Variants in ST6GALNAC3 observed in about 807,000 individuals in gnomAD.
The protein encoded by ST6GALNAC3 is alpha-N-acetylgalactosaminide alpha-2,6-sialyltransferase 3.
A neutral mutation model predicts 32.7 loss-of-function variants in ST6GALNAC3; 25 were observed. The observed-to-expected ratio is 0.76, with a 90% confidence interval of 0.56 to 1.07. The LOEUF (loss-of-function observed/expected upper bound fraction) is 1.07. ST6GALNAC3 is among the 50% of genes least tolerant of loss of function. ST6GALNAC3 has a pLI of 0.00. For synonymous variants in ST6GALNAC3, 129 were observed against 133.1 expected (o/e 0.97, Z 0.21); for missense variants, 355 against 382.4 (o/e 0.93, Z 0.60).
At chr1:76,546,446 GA>G (rs879360446) in intron 3 of ST6GALNAC3, among the ~76,000 whole-genome samples, 2 of 151,762 alleles carry the variant, frequency 1.3e-5, no homozygotes, top group Admixed American at 6.6e-5. Flanking sequence ...GACCTGGATG[GA>G]AAAAAAAGGA....
intron 2 of ST6GALNAC3, among the ~76,000 whole-genome samples, chr1:76,383,672 T>G (rs1651887951): frequency 6.6e-6 from 1 of 152,136 alleles, no homozygotes; most frequent in Non-Finnish European, 1.5e-5. Flanking sequence ...GAGAAAGGTT[T>G]AATATAAAGG....
At chr1:76,525,134 A>G (rs1360615847) in intron 3 of ST6GALNAC3, among the ~76,000 whole-genome samples, 8 of 152,128 alleles carry the variant, frequency 5.3e-5, no homozygotes, top group Non-Finnish European at 1.2e-4. Context: ...ACTTTCTGGA[A>G]AATGAGGTCT....
At chr1:76,528,977 A>T (rs901853474) in intron 3 of ST6GALNAC3, among the ~76,000 whole-genome samples, 1 of 151,556 alleles carries the variant, frequency 6.6e-6, no homozygotes, top group Non-Finnish European at 1.5e-5. Flanking sequence ...GTATGCCAAT[A>T]TCATGAACAC....
chr1:76,139,291 CACAT>C (rs1292992450), intron 1 of ST6GALNAC3, among the ~76,000 whole-genome samples: 2 of 152,012 alleles, frequency 1.3e-5, no homozygotes, highest in African/African-American at 4.8e-5. Flanking sequence ...CACAGATTCA[CACAT>C]ACATTCACAA....
intron 3 of ST6GALNAC3, among the ~76,000 whole-genome samples, chr1:76,568,971 G>T (rs1307644900): frequency 1.3e-5 from 2 of 152,004 alleles, no homozygotes; most frequent in African/African-American, 2.4e-5. Context: ...ACTGCCCCAG[G>T]GGATGGCTTG....
chr1:76,448,799 T>C lies in ST6GALNAC3; in HGVS notation c.623+36382T>C, dbSNP rs1657173878. 1.3e-5 allele frequency among the ~76,000 whole-genome samples: 2 copies of C among 152,116 alleles called. 1 individual carries two copies. The highest frequency in any genetic ancestry group is 4.1e-4 in the South Asian group (2 of 4,826). ...CTCACCAGCCATGTGGAACTCTAAG[T>C]TCATTAAAAGCTTTTTCCTATATAA... is the stretch of plus-strand genomic sequence containing the variant. On this transcript the variant is annotated intron_variant, in intron 3 of 4. Coordinates refer to ENST00000328299, the MANE Select transcript of ST6GALNAC3 (RefSeq NM_152996.4).
chr1:76,095,600 T>C (rs1647116711), intron 1 of ST6GALNAC3, among the ~76,000 whole-genome samples: 1 of 152,202 alleles, frequency 6.6e-6, no homozygotes, highest in Non-Finnish European at 1.5e-5. Flanking sequence ...AAGGCAAAGC[T>C]GCCTACTTGT....
chr1:76,079,785 T>C (rs755646825), intron 1 of ST6GALNAC3, among the ~76,000 whole-genome samples: 22 of 152,160 alleles, frequency 1.4e-4, no homozygotes, highest in South Asian at 4.2e-4. Context: ...CAGGAAAACC[T>C]CTCAACTCTG....
chr1:76,325,848 C>G (rs1242016594), intron 2 of ST6GALNAC3, among the ~76,000 whole-genome samples: 1 of 150,976 alleles, frequency 6.6e-6, no homozygotes, highest in Admixed American at 6.6e-5. Flanking sequence ...CATTGATCAA[C>G]ATTTTTTTGG....
chr1:76,437,820 C>T (rs982882275), intron 3 of ST6GALNAC3, among the ~76,000 whole-genome samples: 14 of 151,954 alleles, frequency 9.2e-5, no homozygotes, highest in Admixed American at 1.3e-4. Flanking sequence ...ATGATCCACC[C>T]GCCTCAGCCT....
chr1:76,259,445 T>G (rs977143275), intron 1 of ST6GALNAC3, among the ~76,000 whole-genome samples: 7 of 152,166 alleles, frequency 4.6e-5, no homozygotes, highest in Admixed American at 4.6e-4. Flanking sequence ...ACATGCAGTG[T>G]TGGGTAAAAC....
At chr1:76,485,689 A>T (rs1284888683) in intron 3 of ST6GALNAC3, among the ~76,000 whole-genome samples, 1 of 151,932 alleles carries the variant, frequency 6.6e-6, no homozygotes, top group African/African-American at 2.4e-5. Context: ...GGATTCATTG[A>T]TTTTTTTGAA....
chr1:76,129,049 T>C (rs141255344), intron 1 of ST6GALNAC3, among the ~76,000 whole-genome samples: 7 of 152,326 alleles, frequency 4.6e-5, no homozygotes, highest in Non-Finnish European at 8.8e-5. Context: ...CAAACCTCTC[T>C]GCCCTGATCA....
At position 76,087,451 on chromosome 1, in the gene ST6GALNAC3, G is replaced by A. The variant is rs1034872255; in HGVS notation, c.18+12567G>A. 3.3e-5 allele frequency among the ~76,000 whole-genome samples: 5 copies of A among 152,170 alleles called. No individual in the cohort carries two copies. The South Asian group carries it at 1.0e-3, about 32-fold the overall frequency. On this transcript the variant is annotated intron_variant, in intron 1 of 4. Coordinates refer to ENST00000328299, the MANE Select transcript of ST6GALNAC3 (RefSeq NM_152996.4). Reference sequence around the variant, plus strand: ...AATCTAAGTACTGTGGGTAAGAGGAGGGGTAGAGAGAATGGAGATAAAAGA... The same window carrying A: ...AATCTAAGTACTGTGGGTAAGAGGAAGGGTAGAGAGAATGGAGATAAAAGA...
At chr1:76,489,608 T>C (rs1251255773) in intron 3 of ST6GALNAC3, among the ~76,000 whole-genome samples, 4 of 152,084 alleles carry the variant, frequency 2.6e-5, no homozygotes, top group African/African-American at 9.7e-5. Flanking sequence ...TGATTTGCAG[T>C]TCCATGGAAT....
intron 1 of ST6GALNAC3, among the ~76,000 whole-genome samples, chr1:76,266,128 T>G (rs1393679152): frequency 6.6e-6 from 1 of 152,256 alleles, no homozygotes; most frequent in Admixed American, 6.5e-5. Flanking sequence ...AAACTGGATG[T>G]TGTTGAATTT....
At chr1:76,419,310 C>T (rs1165716987) in intron 3 of ST6GALNAC3, among the ~76,000 whole-genome samples, 1 of 152,026 alleles carries the variant, frequency 6.6e-6, no homozygotes, top group Non-Finnish European at 1.5e-5. Flanking sequence ...GAAAAAAAAT[C>T]CCAGTAGACA....
intron 3 of ST6GALNAC3, among the ~76,000 whole-genome samples, chr1:76,468,567 C>T (rs1027986308): frequency 6.6e-6 from 1 of 151,958 alleles, no homozygotes; most frequent in Admixed American, 6.6e-5. Flanking sequence ...CTCAAGGCGG[C>T]CTTCACTCAC....
intron 2 of ST6GALNAC3, among the ~76,000 whole-genome samples, chr1:76,408,806 C>T (rs938597209): frequency 6.6e-6 from 1 of 151,962 alleles, no homozygotes; most frequent in Non-Finnish European, 1.5e-5. Flanking sequence ...TATACCCCAA[C>T]CATGCTTTTA....
Sources: gnomAD v4.1 joint callset for allele counts (sites outside exome capture counted in the v4.1 genomes callset) on GRCh38, gnomAD v4.1.1 for gene constraint, MANE v1.5 for transcripts, NCBI Gene and HGNC (gene_info 2026-07-23, HGNC 2026-07-21) for gene names.